RUBCNL: variants seen among roughly 807,000 people sequenced by gnomAD.
RUBCNL encodes the protein rubicon like autophagy enhancer, also known as protein associated with UVRAG as autophagy enhancer.
RUBCNL carries 62 observed loss-of-function variants against 69.5 expected under a neutral mutation model. That is an observed-to-expected ratio of 0.89 (90% CI 0.73 to 1.10). The LOEUF is 1.10. RUBCNL is among the 50% of genes least tolerant of loss of function. The pLI, the probability that RUBCNL is intolerant of heterozygous loss-of-function variation, is 0.00. For missense variants in RUBCNL, 768 were observed against 798.1 expected, an observed-to-expected ratio of 0.96 and a Z score of 0.45; for synonymous variants, 291 against 303.6, an observed-to-expected ratio of 0.96 and a Z score of 0.43.
intron 9 of RUBCNL, among the ~76,000 whole-genome samples, chr13:46,357,254 AC>A (rs1939118597): frequency 6.8e-6 from 1 of 146,738 alleles, no homozygotes; most frequent in Admixed American, 6.9e-5. Context: ...AATGGCGTGA[AC>A]CCGGGAGACG....
chr13:46,343,322 T>C lies in RUBCNL; in HGVS notation c.*63A>G, dbSNP rs773725201. The C allele has an allele frequency of 1.3e-6, 2 of 1,574,554 alleles. No homozygotes were observed. The highest frequency in any genetic ancestry group is 8.6e-7 in the Non-Finnish European group (1 of 1,157,194). ...ATATCTAAAACAATGTCACCAATAA[T>C]AGACACAAATCGGTGTTATCATAAG... On this transcript the variant is annotated 3_prime_UTR_variant, in exon 15 of 15. Coordinates refer to ENST00000429979, the MANE Select transcript of RUBCNL (RefSeq NM_025113.5).
At chr13:46,370,464 G>A (rs1356742245) in intron 3 of RUBCNL, among the ~76,000 whole-genome samples, 4 of 152,234 alleles carry the variant, frequency 2.6e-5, no homozygotes, top group Admixed American at 6.5e-5. Flanking sequence ...TGCTGCCTCC[G>A]CACCAGAGAA....
At chr13:46,353,519 T>C (rs2048415824) in intron 10 of RUBCNL, among the ~76,000 whole-genome samples, 1 of 152,262 alleles carries the variant, frequency 6.6e-6, no homozygotes, top group African/African-American at 2.4e-5. Context: ...CCAGTGGTTC[T>C]TGGCCAAGGG....
chr13:46,345,596 A>C lies in RUBCNL; in HGVS notation c.1636T>G (p.Leu546Val). 1.2e-6 allele frequency: 2 copies of C among 1,613,564 alleles called. No homozygotes were observed. The highest frequency in any genetic ancestry group is 1.7e-6 in the Non-Finnish European group (2 of 1,179,744). ...CCCGGCACCTGCTCGAACTCCTTTA[A>C]TGCACTGCCAGAGAGGAAACAAAGA... The part of the protein sequence containing the change: ...LKTCRFANSA[L>V]KEFEQVPGHL... The change falls in exon 13 of 15, where the codon TTA becomes GTA. Residue 546 changes from leucine to valine, a missense_variant. Transcript: ENST00000429979.
chr13:46,351,827 A>AATTT (rs2048374931), intron 10 of RUBCNL, among the ~76,000 whole-genome samples: 1 of 107,720 alleles, frequency 9.3e-6, no homozygotes, highest in African/African-American at 4.0e-5. Flanking sequence ...TGCTCTTTAC[A>AATTT]CTTTTTTTTT....
intron 1 of RUBCNL, 111 bp from the exon 2 acceptor site, chr13:46,378,116 A>G: frequency 1.7e-6 from 1 of 605,258 alleles, no homozygotes; most frequent in Non-Finnish European, 2.8e-6. Flanking sequence ...ATATTTTTTT[A>G]CTGAGCATCT....
chr13:46,357,318 G>C (rs1172315001), intron 9 of RUBCNL, among the ~76,000 whole-genome samples: 1 of 139,950 alleles, frequency 7.1e-6, no homozygotes, highest in South Asian at 2.4e-4. Context: ...GGGCGATAGA[G>C]TGAGACTCCG....
chr13:46,346,412 C>T (rs2048246710), intron 12 of RUBCNL, among the ~76,000 whole-genome samples: 1 of 147,588 alleles, frequency 6.8e-6, no homozygotes, highest in South Asian at 2.1e-4. Flanking sequence ...CCCTATCTCA[C>T]TCCTAACTGA....
chr13:46,349,410 A>C, intron 11 of RUBCNL, 63 bp from the exon 12 acceptor site: 1 of 1,453,468 alleles, frequency 6.9e-7, no homozygotes, highest in East Asian at 2.3e-5. Context: ...GAAAAGTGCA[A>C]GTCAAATTTA....
intron 5 of RUBCNL, among the ~76,000 whole-genome samples, chr13:46,367,233 A>C (rs1234481482): frequency 6.6e-6 from 1 of 152,064 alleles, no homozygotes; most frequent in Non-Finnish European, 1.5e-5. Flanking sequence ...TCTACAGGTT[A>C]CCCCACAGGG....
intron 14 of RUBCNL, 25 bp downstream of exon 14, chr13:46,344,716 C>T (rs747366789): frequency 2.1e-5 from 31 of 1,473,300 alleles, no homozygotes; most frequent in South Asian, 7.2e-5. Context: ...TATTATTAAG[C>T]TTATGTTATT....
At chr13:46,358,195 A>G (rs2048532689) in intron 9 of RUBCNL, among the ~76,000 whole-genome samples, 2 of 152,150 alleles carry the variant, frequency 1.3e-5, no homozygotes, top group South Asian at 4.1e-4. Context: ...GCATTCTCTC[A>G]AAAAAAGAAA....
At chr13:46,357,250 G>A (rs973370505) in intron 9 of RUBCNL, among the ~76,000 whole-genome samples, 2 of 149,672 alleles carry the variant, frequency 1.3e-5, no homozygotes, top group Non-Finnish European at 3.0e-5. Context: ...GGAGAATGGC[G>A]TGAACCCGGG....
intron 10 of RUBCNL, among the ~76,000 whole-genome samples, chr13:46,351,829 T>A (rs868156718): frequency 1.9e-5 from 1 of 52,906 alleles, no homozygotes; most frequent in Non-Finnish European, 3.5e-5. Context: ...CTCTTTACAC[T>A]TTTTTTTTTT....
intron 5 of RUBCNL, among the ~76,000 whole-genome samples, chr13:46,365,122 G>A (rs4941555): frequency 0.072 from 10,949 of 151,930 alleles, 872 homozygotes; most frequent in East Asian, 0.33. Flanking sequence ...GGCCAACATG[G>A]TGAAAGCTCG....
upstream of RUBCNL, among the ~76,000 whole-genome samples, chr13:46,388,240 AGGAG>A (rs919509335): frequency 2.2e-5 from 3 of 134,232 alleles, no homozygotes; most frequent in East Asian, 2.6e-4. Flanking sequence ...GAAGAAGGGA[AGGAG>A]GGAGGGAGGG....
chr13:46,354,383 ACTCT>A (rs1424163405), intron 10 of RUBCNL, among the ~76,000 whole-genome samples: 3 of 151,970 alleles, frequency 2.0e-5, no homozygotes, highest in African/African-American at 7.3e-5. Flanking sequence ...GTGTACAGGA[ACTCT>A]CTCTACTCTT....
rs1594121988 is a variant in RUBCNL, at chr13:46,335,971, A to G, written c.*7414T>C. On this transcript the variant is annotated 3_prime_UTR_variant, in exon 15 of 15. Coordinates refer to ENST00000429979, the MANE Select transcript of RUBCNL (RefSeq NM_025113.5). ...TCCCAAGAGAAGAAAAGAGATGGCA[A>G]AACTGAGCCCTGGAATCTCTGTCTT... Among the ~76,000 whole-genome samples, 2 of 152,342 alleles carry G rather than the reference A, an allele frequency of 1.3e-5. No homozygotes were observed. The highest frequency in any genetic ancestry group is 4.1e-4 in the South Asian group (2 of 4,826).
Position 46,372,393 on chromosome 13 carries a change from C to T in RUBCNL, c.83G>A (p.Gly28Asp), listed in dbSNP as rs1173402071. Residue 28 changes from glycine to aspartate, a missense_variant, in exon 3 of 15, where the codon GGT (glycine) becomes GAT (aspartate). By Grantham distance (94) the Gly-to-Asp change is moderately conservative. Transcript: ENST00000429979. ...GTCAGTGTTCAGGAGTCTGGGCGAA[C>T]CATCAATAATGCCAGAGTGATCGCT... ...GISDHSGIID[G>D]SPRLLNTDHP... 1 of 1,613,806 alleles carries T rather than the reference C, an allele frequency of 6.2e-7. No individual in the cohort carries two copies. The highest frequency in any genetic ancestry group is 1.1e-5 in the South Asian group (1 of 91,036).
Sources: gnomAD v4.1 joint callset for allele counts (sites outside exome capture counted in the v4.1 genomes callset) on GRCh38, gnomAD v4.1.1 for gene constraint, MANE v1.5 for transcripts, NCBI Gene and HGNC (gene_info 2026-07-23, HGNC 2026-07-21) for gene names.